SNX30: variants seen among roughly 807,000 people sequenced by gnomAD.
The protein encoded by SNX30 is sorting nexin-30.
In SNX30, 24 loss-of-function variants were observed where a neutral mutation model predicts 46.4. That is an observed-to-expected ratio of 0.52 (90% confidence interval 0.37 to 0.73). SNX30 has a LOEUF of 0.73. Among genes scored for constraint, SNX30 ranks in the 30% least tolerant of loss-of-function variants. The pLI, the probability that SNX30 is intolerant of heterozygous loss-of-function variation, is 0.00. For missense variants in SNX30, 533 were observed against 555.7 expected (o/e 0.96, Z 0.41); for synonymous variants, 189 against 211.5 (o/e 0.89, Z 0.92).
intron 1 of SNX30, among the ~76,000 whole-genome samples, chr9:112,779,803 G>A (rs935255322): frequency 6.6e-6 from 1 of 152,192 alleles, no homozygotes; most frequent in Non-Finnish European, 1.5e-5. Context: ...ACTTGGCTGA[G>A]TGCTCCACTA....
At position 112,830,879 on chromosome 9, in the gene SNX30, C is replaced by T. The variant is rs756077129; in HGVS notation, c.614C>T (p.Ala205Val). 1 of 1,608,020 alleles carries T rather than the reference C, an allele frequency of 6.2e-7. No individual in the cohort carries two copies. Among genetic ancestry groups the T allele is most frequent in the East Asian group, 2.2e-5 (1 of 44,802 alleles). ...GAACACTTTAATATTTTCCTTACTG[C>T]TAAGGTAAGGGCAGAAATTTACATC... ...FNEHFNIFLT[A>V]KDLNAYKKQG... The change falls in exon 4 of 9, where the codon GCT (alanine) becomes GTT (valine). Residue 205 changes from alanine to valine, a missense_variant. By Grantham distance (64) the Ala-to-Val change is moderately conservative. Coordinates refer to ENST00000374232, the MANE Select transcript of SNX30 (RefSeq NM_001012994.2).
At position 112,817,401 on chromosome 9, in the gene SNX30, CT is replaced by C. The variant is rs56856142; in HGVS notation, c.349-274del. ...CGGTAGGGAAAAAAAAAAAAACTGG[CT>C]TTTTTTTTTTTTTTTTTTTTTTTTT... On this transcript the variant is annotated intron_variant, in intron 2 of 8. Transcript: ENST00000374232. 6.0e-4 allele frequency among the ~76,000 whole-genome samples: 28 copies of C among 46,830 alleles called. No individual in the cohort carries two copies. In the East Asian group the frequency reaches 6.5e-3, roughly 11 times the overall value. 30.7% of individuals were successfully genotyped at this position (46,830 alleles called of 152,430 possible). A position where few individuals can be genotyped will look rare whatever the true frequency, so the allele number is the denominator to read the frequency against.
chr9:112,772,978 C>T (rs1839675713), intron 1 of SNX30, among the ~76,000 whole-genome samples: 1 of 152,190 alleles, frequency 6.6e-6, no homozygotes, highest in Admixed American at 6.5e-5. Flanking sequence ...TCAAGAGAAT[C>T]TGTTAATCTG....
intron 2 of SNX30, among the ~76,000 whole-genome samples, chr9:112,815,446 C>T (rs1256594588): frequency 6.6e-6 from 1 of 151,818 alleles, no homozygotes. Flanking sequence ...CTGCAGCCTC[C>T]CCCTCTGGGG....
rs1564299580 is a variant in SNX30 at position 112,870,415 on chromosome 9, A to G, written c.*1572A>G. The G allele has an allele frequency of 6.6e-6, 1 of 152,232 alleles. No homozygotes were observed. Among genetic ancestry groups the G allele is most frequent in the Non-Finnish European group, 1.5e-5 (1 of 68,036 alleles). The allele number at this position is 152,232 out of a possible 1,614,324, so 9.4% of individuals were successfully genotyped here. A position where few individuals can be genotyped will look rare whatever the true frequency, so the allele number is the denominator to read the frequency against. ...ACTGCAGGTCATCCTCGCATCAGCC[A>G]AGGCTGTGGTGCTGTTGATGCCGCA... On this transcript the variant is annotated 3_prime_UTR_variant, in exon 9 of 9. Transcript: ENST00000374232.
intron 1 of SNX30, among the ~76,000 whole-genome samples, chr9:112,785,819 A>G (rs1391179008): frequency 6.6e-6 from 1 of 152,058 alleles, no homozygotes; most frequent in Admixed American, 6.5e-5. Flanking sequence ...TTGCCAGCCT[A>G]GGAATGTAAT....
At chr9:112,784,504 G>A (rs1326549659) in intron 1 of SNX30, among the ~76,000 whole-genome samples, 1 of 152,090 alleles carries the variant, frequency 6.6e-6, no homozygotes, top group East Asian at 1.9e-4. Flanking sequence ...AGGATGACTG[G>A]TCCCCTGCCC....
At chr9:112,788,362 C>T (rs1181660532) in intron 1 of SNX30, among the ~76,000 whole-genome samples, 1 of 152,124 alleles carries the variant, frequency 6.6e-6, no homozygotes, top group Non-Finnish European at 1.5e-5. Context: ...GCAGAGTGCA[C>T]TCCGCGTGTG....
chr9:112,858,092 A>G (rs1250473628), intron 7 of SNX30, among the ~76,000 whole-genome samples: 1 of 152,182 alleles, frequency 6.6e-6, no homozygotes, highest in African/African-American at 2.4e-5. Flanking sequence ...TTATCTGGTG[A>G]TATTTTTCCT....
chr9:112,791,602 G>A (rs915396333), intron 1 of SNX30, among the ~76,000 whole-genome samples: 1 of 151,616 alleles, frequency 6.6e-6, no homozygotes, highest in Non-Finnish European at 1.5e-5. Context: ...AGTAGAGATG[G>A]GGTTTCACCA....
At chr9:112,814,074 C>G (rs1840360417) in intron 2 of SNX30, among the ~76,000 whole-genome samples, 2 of 152,020 alleles carry the variant, frequency 1.3e-5, no homozygotes, top group South Asian at 4.1e-4. Context: ...GTGGGGATGG[C>G]CTTCTTACTG....
At chr9:112,809,339 C>A (rs1390250746) in intron 2 of SNX30, among the ~76,000 whole-genome samples, 2 of 152,052 alleles carry the variant, frequency 1.3e-5, no homozygotes, top group Admixed American at 6.5e-5. Flanking sequence ...CTTGGTTTCC[C>A]AAAGTGCTGG....
At chr9:112,849,519 A>G (rs1322453189) in intron 6 of SNX30, among the ~76,000 whole-genome samples, 2 of 152,230 alleles carry the variant, frequency 1.3e-5, no homozygotes, top group African/African-American at 2.4e-5. Flanking sequence ...TCAAAGATGA[A>G]TGAGTGTGGG....
chr9:112,868,573 A>G (rs1193073865), intron 8 of SNX30, among the ~76,000 whole-genome samples: 1 of 152,194 alleles, frequency 6.6e-6, no homozygotes, highest in Non-Finnish European at 1.5e-5. Context: ...TTGCAGAGAT[A>G]TTGCTGTCTT....
intron 7 of SNX30, among the ~76,000 whole-genome samples, chr9:112,853,505 T>C (rs1392298951): frequency 6.6e-6 from 1 of 152,262 alleles, no homozygotes; most frequent in Admixed American, 6.5e-5. Context: ...TGTGTATATT[T>C]TTAAAGTTTC....
intron 2 of SNX30, 111 bp downstream of exon 2, chr9:112,805,078 T>A: frequency 1.5e-6 from 1 of 648,168 alleles, no homozygotes; most frequent in Non-Finnish European, 2.4e-6. Flanking sequence ...CTGTTCACCT[T>A]GATTGCAATT....
At position 112,824,726 on chromosome 9, in the gene SNX30, G is replaced by C. The variant is rs148453054; in HGVS notation, c.460-5999G>C. On this transcript the variant is annotated intron_variant, in intron 3 of 8. Coordinates refer to ENST00000374232, the MANE Select transcript of SNX30 (RefSeq NM_001012994.2). The stretch of plus-strand genomic sequence containing the variant: ...GGCTGTCTGCATTCCTTGGCTCATG[G>C]CCTCTTTATTTTCAAAGCCAGCAGC... Among the ~76,000 whole-genome samples the C allele has an allele frequency of 7.7e-4, 117 of 152,134 alleles. 1 individual carries two copies. The highest frequency in any genetic ancestry group is 2.7e-3 in the African/African-American group (110 of 41,496).
At chr9:112,817,401 C>CTGTTTTTTTTT (rs1840414391) in intron 2 of SNX30, among the ~76,000 whole-genome samples, 1 of 46,832 alleles carries the variant, frequency 2.1e-5, no homozygotes, top group African/African-American at 9.7e-5. Context: ...AAAAAACTGG[C>CTGTTTTTTTTT]TTTTTTTTTT....
intron 1 of SNX30, among the ~76,000 whole-genome samples, chr9:112,788,094 G>A (rs539469993): frequency 4.3e-4 from 66 of 152,232 alleles, no homozygotes; most frequent in Admixed American, 1.2e-3. Flanking sequence ...GGCTTTTGCA[G>A]CACATCTGAG....
Sources: allele counts gnomAD v4.1 joint callset (sites outside exome capture counted in the v4.1 genomes callset), GRCh38; gene constraint gnomAD v4.1.1; transcripts MANE v1.5; gene names NCBI Gene and HGNC (gene_info 2026-07-23, HGNC 2026-07-21).